SPAG16: variants seen among roughly 807,000 people sequenced by gnomAD.
SPAG16 encodes sperm associated antigen 16, also known as sperm-associated antigen 16 protein.
SPAG16 carries 86 observed loss-of-function variants against 80.4 expected under a neutral mutation model. The ratio of observed to expected loss-of-function variants is 1.07; its 90% confidence interval spans 0.90 to 1.28. The LOEUF is 1.28. Ranked by LOEUF, SPAG16 falls within the 50% of genes most tolerant of loss-of-function variation. SPAG16 has a pLI of 0.00. For synonymous variants in SPAG16, 294 were observed against 265.9 expected (o/e 1.11, Z -1.03); for missense variants, 870 against 765.3 (o/e 1.14, Z -1.61).
intron 13 of SPAG16, among the ~76,000 whole-genome samples, chr2:214,099,720 T>C (rs2052861831): frequency 6.6e-6 from 1 of 152,116 alleles, no homozygotes; most frequent in African/African-American, 2.4e-5. Flanking sequence ...GAGAGTGTTT[T>C]GTAATATTTG....
At chr2:213,527,722 A>C (rs2075936838) in intron 10 of SPAG16, among the ~76,000 whole-genome samples, 1 of 152,230 alleles carries the variant, frequency 6.6e-6, no homozygotes, top group Non-Finnish European at 1.5e-5. Context: ...TTTAAGTGAA[A>C]CGGAATCAGC....
chr2:214,240,797 T>C (rs894282250), intron 15 of SPAG16: 1 of 152,316 alleles, frequency 6.6e-6, no homozygotes, highest in East Asian at 1.9e-4. Flanking sequence ...ATTTATTTTA[T>C]GTGAAAGAAA....
At chr2:213,387,393 A>ATTAG (rs2067481245) in intron 9 of SPAG16, among the ~76,000 whole-genome samples, 1 of 121,778 alleles carries the variant, frequency 8.2e-6, no homozygotes, top group African/African-American at 3.2e-5. Context: ...TTTTGCCCAA[A>ATTAG]TTCTTAGTCT....
At chr2:213,856,341 T>C (rs1450729844) in intron 10 of SPAG16, among the ~76,000 whole-genome samples, 1 of 152,166 alleles carries the variant, frequency 6.6e-6, no homozygotes, top group Non-Finnish European at 1.5e-5. Context: ...GCTGCTTTCA[T>C]GGGTATTGAG....
chr2:213,493,384 T>C (rs961462706), intron 10 of SPAG16, among the ~76,000 whole-genome samples: 5 of 152,102 alleles, frequency 3.3e-5, no homozygotes, highest in Non-Finnish European at 7.4e-5. Context: ...TAAAAATCAT[T>C]GATGTATTAC....
At position 214,095,913 on chromosome 2, in the gene SPAG16, G is replaced by T. The variant is rs969032015; in HGVS notation, c.1528-12283G>T. ...TGGAAAAATGACTGTTTCTATGGGG[G>T]AAAATAAAACCCTATTAAAAATAAT... On this transcript the variant is annotated intron_variant, in intron 13 of 15. Transcript: ENST00000331683. 8.5e-4 allele frequency among the ~76,000 whole-genome samples: 129 copies of T among 151,796 alleles called. 1 individual carries two copies. The highest frequency in any genetic ancestry group is 4.3e-4 in the Non-Finnish European group (29 of 67,898).
chr2:214,217,209 A>G (rs1307344211), intron 15 of SPAG16, among the ~76,000 whole-genome samples: 1 of 152,268 alleles, frequency 6.6e-6, no homozygotes, highest in Non-Finnish European at 1.5e-5. Context: ...GATAAAGGGT[A>G]AAGCATGCAA....
chr2:214,170,064 A>G (rs941444367), intron 15 of SPAG16, among the ~76,000 whole-genome samples: 13 of 151,918 alleles, frequency 8.6e-5, no homozygotes, highest in African/African-American at 3.1e-4. Context: ...ATTTTATACC[A>G]CTTGACTCCA....
At chr2:213,513,490 C>CT (rs370847670) in intron 10 of SPAG16, among the ~76,000 whole-genome samples, 107 of 148,814 alleles carry the variant, frequency 7.2e-4, no homozygotes, top group Admixed American at 2.0e-3. Context: ...TTCTGAGCAT[C>CT]TTTTTTTTTT....
At chr2:214,375,007 A>C (rs1381432045) in intron 15 of SPAG16, among the ~76,000 whole-genome samples, 1 of 152,156 alleles carries the variant, frequency 6.6e-6, no homozygotes, top group Non-Finnish European at 1.5e-5. Flanking sequence ...AATACCCTTA[A>C]GATAAGCATG....
chr2:213,560,060 T>C (rs925813399), intron 10 of SPAG16, among the ~76,000 whole-genome samples: 8 of 152,198 alleles, frequency 5.3e-5, no homozygotes, highest in East Asian at 3.9e-4. Flanking sequence ...ATTGTTTATA[T>C]ATTATAAATA....
chr2:213,331,722 A>G (rs1406819614), intron 5 of SPAG16, among the ~76,000 whole-genome samples: 1 of 152,250 alleles, frequency 6.6e-6, no homozygotes, highest in African/African-American at 2.4e-5. Context: ...ATCAACAAGA[A>G]GAGGAATTTT....
intron 9 of SPAG16, among the ~76,000 whole-genome samples, chr2:213,430,459 AT>A (rs1399687229): frequency 6.6e-6 from 1 of 151,826 alleles, no homozygotes; most frequent in African/African-American, 2.4e-5. Context: ...ACATTATGAG[AT>A]TTTTTTTCAA....
At chr2:213,406,304 C>T (rs974939942) in intron 9 of SPAG16, among the ~76,000 whole-genome samples, 2 of 151,950 alleles carry the variant, frequency 1.3e-5, no homozygotes, top group African/African-American at 4.8e-5. Context: ...ATGGGAGATA[C>T]CAAGGAAGAT....
chr2:213,712,380 AAG>A (rs779945369), intron 10 of SPAG16, among the ~76,000 whole-genome samples: 16 of 152,196 alleles, frequency 1.1e-4, no homozygotes, highest in Non-Finnish European at 2.1e-4. Flanking sequence ...GACAGTGTAC[AAG>A]AGTGTTAAAA....
intron 9 of SPAG16, among the ~76,000 whole-genome samples, chr2:213,387,017 T>C (rs910146636): frequency 2.0e-5 from 3 of 152,304 alleles, no homozygotes; most frequent in Non-Finnish European, 2.9e-5. Flanking sequence ...TGTGAAACTT[T>C]CAGTGTGTCA....
chr2:213,661,685 C>A (rs2063431880), intron 10 of SPAG16, among the ~76,000 whole-genome samples: 2 of 152,142 alleles, frequency 1.3e-5, no homozygotes, highest in African/African-American at 4.8e-5. Flanking sequence ...CTTCATCACT[C>A]ATTTTGTCTT....
At chr2:213,877,663 C>T (rs2076191779) in intron 11 of SPAG16, among the ~76,000 whole-genome samples, 1 of 152,082 alleles carries the variant, frequency 6.6e-6, no homozygotes, top group Non-Finnish European at 1.5e-5. Context: ...GGGTTGTGAA[C>T]TTAGGGAGAG....
At chr2:213,901,808 C>T (rs2077232831) in intron 11 of SPAG16, among the ~76,000 whole-genome samples, 1 of 152,134 alleles carries the variant, frequency 6.6e-6, no homozygotes, top group African/African-American at 2.4e-5. Context: ...TAAGCAGACT[C>T]AGTGATGTGC....
Sources: gnomAD v4.1 joint callset for allele counts (sites outside exome capture counted in the v4.1 genomes callset) on GRCh38, gnomAD v4.1.1 for gene constraint, MANE v1.5 for transcripts, NCBI Gene and HGNC (gene_info 2026-07-23, HGNC 2026-07-21) for gene names.